RYR1: variants seen among roughly 807,000 people sequenced by gnomAD.
The protein encoded by RYR1 is central core disease of muscle.
RYR1 carries 342 observed loss-of-function variants against 583.5 expected under a neutral mutation model. The observed-to-expected ratio is 0.59, with a 90% CI of 0.54 to 0.64. The LOEUF is 0.64. Ranked by LOEUF, RYR1 falls within the 30% of genes least tolerant of loss-of-function variation. The pLI, the probability that RYR1 is intolerant of heterozygous loss-of-function variation, is 0.00. For missense variants in RYR1, 6,032 were observed against 6,917.2 expected (o/e 0.87, Z 4.54); for synonymous variants, 2,791 against 2,822.5 (o/e 0.99, Z 0.35).
chr19:38,547,406 C>T (rs1972481079), intron 88 of RYR1, among the ~76,000 whole-genome samples: 1 of 151,916 alleles, frequency 6.6e-6, no homozygotes, highest in South Asian at 2.1e-4. Flanking sequence ...CAGCTGCTGC[C>T]TTTAGAGGGA....
At chr19:38,507,290 G>T (rs1014730642) in intron 57 of RYR1, among the ~76,000 whole-genome samples, 1 of 147,290 alleles carries the variant, frequency 6.8e-6, no homozygotes, top group African/African-American at 2.5e-5. Context: ...AGGAGAGAAG[G>T]CTGAAAAGGG....
chr19:38,546,569 C>T, intron 88 of RYR1, 43 bp downstream of exon 88: 1 of 1,543,230 alleles, frequency 6.5e-7, no homozygotes, highest in South Asian at 1.1e-5. Flanking sequence ...TAAAGAGGTT[C>T]AGAGAAGCCT....
rs144658230 is a variant in RYR1, at chr19:38,451,796, C to T, written c.1155C>T (p.Asp385=). ...TGCACCAGGAGGGCCACATGGACGA[C>T]GCACTGTCGCTGACCCGCTGCCAGC... The part of the protein sequence containing the change: ...AMLHQEGHMD[D]ALSLTRCQQE... Residue 385 remains aspartate (D), a synonymous_variant, in exon 12 of 106, where the codon GAC becomes GAT. Coordinates refer to ENST00000359596, the MANE Select transcript of RYR1 (RefSeq NM_000540.3). 109 of 1,614,130 alleles carry T rather than the reference C, an allele frequency of 6.8e-5. No individual in the cohort carries two copies. The Admixed American group carries it at 8.0e-4, about 12-fold the overall frequency.
intron 37 of RYR1, among the ~76,000 whole-genome samples, chr19:38,491,029 T>C (rs1300472295): frequency 6.6e-6 from 1 of 152,000 alleles, no homozygotes; most frequent in African/African-American, 2.4e-5. Context: ...AAGAGAAGGA[T>C]GGATGGATGG....
chr19:38,508,974 G>T (rs1970603336), intron 58 of RYR1, among the ~76,000 whole-genome samples: 1 of 152,080 alleles, frequency 6.6e-6, no homozygotes, highest in Admixed American at 6.5e-5. Context: ...GGCTGCTGGG[G>T]TGCCCCCCAG....
At position 38,561,994 on chromosome 19, in the gene RYR1, C is replaced by T. The variant is rs893589010; in HGVS notation, c.12624+540C>T. Among the ~76,000 whole-genome samples the T allele has an allele frequency of 6.6e-6, 1 of 152,132 alleles. No individual in the cohort carries two copies. The highest frequency in any genetic ancestry group is 1.9e-4 in the East Asian group (1 of 5,192). On this transcript the variant is annotated intron_variant, in intron 90 of 105. Coordinates refer to ENST00000359596, the MANE Select transcript of RYR1 (RefSeq NM_000540.3). This position sits in a 1 kb window ranked among gnomAD's most constrained non-coding sequence, Gnocchi z 4.8. ...AGTCATCACGTTTGCCCCCAGATGC[C>T]TTCTGAAGTCCTAGCATATGTGTAC...
At chr19:38,571,241 T>C (rs951588487) in intron 94 of RYR1, among the ~76,000 whole-genome samples, 7 of 152,272 alleles carry the variant, frequency 4.6e-5, no homozygotes, top group Admixed American at 3.3e-4. Context: ...ACAGTGGGAC[T>C]GCCCACTGGC....
intron 23 of RYR1, among the ~76,000 whole-genome samples, chr19:38,464,932 G>T (rs1451470235): frequency 6.6e-6 from 1 of 151,906 alleles, no homozygotes; most frequent in African/African-American, 2.4e-5. Context: ...AGAGAGAGAG[G>T]GAGGGTATGA....
chr19:38,466,501 CTTTTTTT>C (rs869097541), intron 24 of RYR1, 103 bp downstream of exon 24: 16 of 641,782 alleles, frequency 2.5e-5, no homozygotes, highest in Non-Finnish European at 3.3e-5. Flanking sequence ...TGGGCTATAT[CTTTTTTT>C]TTTTTTTTTT....
intron 95 of RYR1, 145 bp downstream of exon 95, chr19:38,572,415 G>C (rs1218745880): frequency 9.8e-7 from 1 of 1,016,572 alleles, no homozygotes; most frequent in Non-Finnish European, 1.4e-6. Flanking sequence ...TGGGGAACTG[G>C]GTACAGGATT....
At chr19:38,467,283 A>T (rs753722718) in intron 24 of RYR1, among the ~76,000 whole-genome samples, 25 of 152,018 alleles carry the variant, frequency 1.6e-4, no homozygotes, top group Non-Finnish European at 3.4e-4. Context: ...CCTTCATTCT[A>T]ATCAACCCTG....
In RYR1 at chr19:38,455,468, A is replaced by G. The variant is rs529947642; in HGVS notation, c.1594A>G (p.Asn532Asp). 6.2e-7 allele frequency: 1 copy of G among 1,614,158 alleles called. No homozygotes were observed. Among genetic ancestry groups the G allele is most frequent in the African/African-American group, 1.3e-5 (1 of 75,020 alleles). The change falls in exon 15 of 106, where the codon AAT becomes GAT. Residue 532 changes from asparagine (N) to aspartate (D), a missense_variant. Physicochemically the swap from Asn to Asp is conservative, Grantham distance 23. This residue lies in a region of RYR1 where 2,627 missense variants were observed against 2,961.3 expected (regional missense o/e 0.89). Transcript: ENST00000359596. Reference protein sequence around the residue: ...YELLASLIRGNRSNCALFSTN... With the variant: ...YELLASLIRGDRSNCALFSTN... Reference sequence around the variant, plus strand: ...CCCCTCAGCTTCTCTAATCCGTGGCAATCGTAGCAACTGTGCCCTCTTCTC... The same window carrying G: ...CCCCTCAGCTTCTCTAATCCGTGGCGATCGTAGCAACTGTGCCCTCTTCTC...
At position 38,453,088 on chromosome 19, in the gene RYR1, G is replaced by A. The variant is rs12460768; in HGVS notation, c.1440+74G>A. 0.65 allele frequency: 972,369 copies of A among 1,491,336 alleles called. 321,575 individuals carry two copies. Among genetic ancestry groups the A allele is most frequent in the Middle Eastern group, 0.7 (3,458 of 4,962 alleles). The allele number at this position is 1,491,336 out of a possible 1,614,324, so 92.4% of individuals were successfully genotyped here. ...GACCACTGAGGGGCGGGGCCACGGC[G>A]CTGGGCGGGGCAGGGCCTGAGGGAC... On this transcript the variant is annotated intron_variant, in intron 13 of 105. Coordinates refer to ENST00000359596, the MANE Select transcript of RYR1 (RefSeq NM_000540.3).
At chr19:38,515,300 A>G (rs1970914218) in intron 64 of RYR1, among the ~76,000 whole-genome samples, 193 bp downstream of exon 64, 1 of 152,160 alleles carries the variant, frequency 6.6e-6, no homozygotes, top group Non-Finnish European at 1.5e-5. Context: ...TAGAGCCGCC[A>G]GGTCTGGGGC....
At chr19:38,466,488 A>C in intron 24 of RYR1, 90 bp downstream of exon 24, 16 of 1,161,900 alleles carry the variant, frequency 1.4e-5, no homozygotes, top group Admixed American at 2.3e-5. Context: ...CTCAGCCCCC[A>C]AATGGGCTAT....
At chr19:38,490,416 C>CT in intron 36 of RYR1, 140 bp downstream of exon 36, 1 of 916,844 alleles carries the variant, frequency 1.1e-6, no homozygotes, top group Non-Finnish European at 1.7e-6. Flanking sequence ...CTCCTACTCT[C>CT]TGAATCAACC....
chr19:38,451,775 C>T lies in RYR1; in HGVS notation c.1134C>T (p.His378=), dbSNP rs754061854. ...LGVLKKKAML[H]QEGHMDDALS... ...CTCCCCACTCCTAGGCCATGCTGCA[C>T]CAGGAGGGCCACATGGACGACGCAC... Residue 378 remains histidine, a synonymous_variant, in exon 12 of 106, where the codon CAC becomes CAT. Coordinates refer to ENST00000359596, the MANE Select transcript of RYR1 (RefSeq NM_000540.3). The T allele has an allele frequency of 8.1e-6, 13 of 1,613,998 alleles. No homozygotes were observed. The highest frequency in any genetic ancestry group is 1.0e-5 in the Non-Finnish European group (12 of 1,180,010).
chr19:38,549,053 C>T (rs1360083343), intron 89 of RYR1, among the ~76,000 whole-genome samples: 2 of 152,074 alleles, frequency 1.3e-5, no homozygotes, highest in South Asian at 2.1e-4. Flanking sequence ...ACACTATTGA[C>T]GCATCAATGA....
At chr19:38,492,401 C>A in intron 37 of RYR1, 89 bp from the exon 38 acceptor site, 1 of 1,381,712 alleles carries the variant, frequency 7.2e-7, no homozygotes, top group Admixed American at 1.7e-5. Flanking sequence ...TCCATGCATG[C>A]ATGCACATAT....
Sources: gnomAD v4.1 joint callset for allele counts (sites outside exome capture counted in the v4.1 genomes callset) on GRCh38, gnomAD v4.1.1 for gene constraint, gnomAD v4.1.1 regional missense constraint, Gnocchi (gnomAD v3.1) non-coding constraint, MANE v1.5 for transcripts, NCBI Gene and HGNC (gene_info 2026-07-23, HGNC 2026-07-21) for gene names.